LRCH3: variants seen among roughly 807,000 people sequenced by gnomAD.
LRCH3 encodes DISP complex protein LRCH3.
In LRCH3, 68 loss-of-function variants were observed where a neutral mutation model predicts 104.5. The ratio of observed to expected loss-of-function variants is 0.65; its 90% CI spans 0.54 to 0.80. The LOEUF (loss-of-function observed/expected upper bound fraction) is 0.80, where lower values mean the gene tolerates loss of function less well. Among genes scored for constraint, LRCH3 ranks in the 30% least tolerant of loss-of-function variants. LRCH3 has a pLI of 0.00. For synonymous variants in LRCH3, 344 were observed against 361.3 expected (o/e 0.95, Z 0.54); for missense variants, 951 against 953.9 (o/e 1.00, Z 0.04).
chr3:197,866,382 C>T (rs1474309875), intron 17 of LRCH3, among the ~76,000 whole-genome samples, 163 bp downstream of exon 17: 1 of 152,188 alleles, frequency 6.6e-6, no homozygotes, highest in African/African-American at 2.4e-5. Context: ...GCAGGAAAAT[C>T]TTATCTGAAT....
chr3:197,832,316 A>C lies in LRCH3; in HGVS notation c.1101A>C (p.Gly367=). ...GCAGTTTGGTAGTAACAAACGGCGG[A>C]GGTAAACATAATTCCGGTGACAGCT... The part of the protein sequence containing the change: ...NRGSLVVTNG[G]VEHDLDQIDY... The change falls in exon 8 of 21, where the codon GGA becomes GGC. Residue 367 remains glycine (G), a splice_region_variant and synonymous_variant. Coordinates refer to ENST00000425562, the MANE Select transcript of LRCH3 (RefSeq NM_001365715.1). The C allele has an allele frequency of 6.2e-7, 1 of 1,613,194 alleles. No individual in the cohort carries two copies. Among genetic ancestry groups the C allele is most frequent in the Admixed American group, 1.7e-5 (1 of 59,964 alleles).
intron 1 of LRCH3, among the ~76,000 whole-genome samples, chr3:197,811,715 A>G (rs538740321): frequency 5.6e-4 from 86 of 152,356 alleles, no homozygotes; most frequent in African/African-American, 2.0e-3. Context: ...ATAATTACAT[A>G]GCCAAATAGA....
chr3:197,855,409 G>A (rs1019724511), intron 14 of LRCH3, among the ~76,000 whole-genome samples: 2 of 152,166 alleles, frequency 1.3e-5, no homozygotes, highest in Non-Finnish European at 2.9e-5. Flanking sequence ...AGCCTCCGAC[G>A]ATCCAAACAC....
chr3:197,841,172 G>A (rs1040059244), intron 10 of LRCH3, among the ~76,000 whole-genome samples: 10 of 152,280 alleles, frequency 6.6e-5, no homozygotes, highest in African/African-American at 2.2e-4. Context: ...TCAGGGTATC[G>A]GCTGGCCTGG....
chr3:197,838,209 C>G (rs558101840), intron 9 of LRCH3, among the ~76,000 whole-genome samples: 5 of 152,218 alleles, frequency 3.3e-5, no homozygotes, highest in Admixed American at 2.0e-4. Flanking sequence ...TGCTTGAGCC[C>G]GGCAGTTTGA....
chr3:197,863,092 A>G (rs1377076562), intron 15 of LRCH3, among the ~76,000 whole-genome samples: 1 of 152,136 alleles, frequency 6.6e-6, no homozygotes, highest in African/African-American at 2.4e-5. Flanking sequence ...ATTGAAACCA[A>G]TGGTAGGGAA....
At chr3:197,797,463 CAG>C (rs1434654123) in intron 1 of LRCH3, among the ~76,000 whole-genome samples, 4 of 151,670 alleles carry the variant, frequency 2.6e-5, no homozygotes, top group Admixed American at 2.6e-4. Context: ...ACTGTCAACT[CAG>C]GGAGATACCA....
chr3:197,852,677 A>T (rs769195161), intron 13 of LRCH3, 57 bp downstream of exon 13: 1 of 1,525,778 alleles, frequency 6.6e-7, no homozygotes, highest in East Asian at 2.3e-5. Context: ...ATGGAAATGA[A>T]ATGTTTACAT....
intron 20 of LRCH3, chr3:197,880,758 G>T (rs1560065848): frequency 1.3e-6 from 2 of 1,534,482 alleles, no homozygotes; most frequent in Admixed American, 3.9e-5. Flanking sequence ...CCTGTGCTTG[G>T]TAAAGGAGGT....
chr3:197,823,190 A>C (rs1333444115), intron 4 of LRCH3: 3 of 146,550 alleles, frequency 2.0e-5, no homozygotes, highest in South Asian at 4.3e-4. Flanking sequence ...GGCTGGTCTC[A>C]AACTCCTGAC....
intron 1 of LRCH3, among the ~76,000 whole-genome samples, chr3:197,813,867 AAC>A (rs546524284): frequency 6.6e-6 from 1 of 152,152 alleles, no homozygotes; most frequent in Non-Finnish European, 1.5e-5. Context: ...TTGTAAAGAT[AAC>A]AGTCATTGAT....
chr3:197,883,777 C>A lies in LRCH3; in HGVS notation c.*111C>A. 5 of 1,152,336 alleles carry A rather than the reference C, an allele frequency of 4.3e-6. No individual in the cohort carries two copies. Among genetic ancestry groups the A allele is most frequent in the Non-Finnish European group, 5.7e-6 (5 of 869,644 alleles). 71.4% of individuals were successfully genotyped at this position (1,152,336 alleles called of 1,614,324 possible). ...AGCTCTTGTGTGTTCTCAGAAGGGACCGTTCCCATGATTCCTAACAGGAAT... is the reference window on the plus strand; with the variant it reads ...AGCTCTTGTGTGTTCTCAGAAGGGAACGTTCCCATGATTCCTAACAGGAAT... On this transcript the variant is annotated 3_prime_UTR_variant, in exon 21 of 21. Transcript: ENST00000425562. This position sits in a 1 kb window ranked among gnomAD's most constrained non-coding sequence, Gnocchi z 4.2.
At chr3:197,838,372 C>T (rs943468259) in intron 9 of LRCH3, among the ~76,000 whole-genome samples, 8 of 152,212 alleles carry the variant, frequency 5.3e-5, no homozygotes, top group African/African-American at 1.9e-4. Flanking sequence ...TTAAGACAGT[C>T]AGTTGTTAGC....
At chr3:197,871,668 G>C in intron 19 of LRCH3, 2 of 565,246 alleles carry the variant, frequency 3.5e-6, no homozygotes, top group Non-Finnish European at 5.9e-6. Flanking sequence ...AGAAAGGCAT[G>C]TACAGTGTGT....
chr3:197,852,996 A>G (rs1739819494), intron 13 of LRCH3, among the ~76,000 whole-genome samples: 2 of 152,204 alleles, frequency 1.3e-5, no homozygotes, highest in South Asian at 4.1e-4. Context: ...ATTCAGTGCT[A>G]TCAATGATAA....
chr3:197,803,940 A>G (rs1198852535), intron 1 of LRCH3, among the ~76,000 whole-genome samples: 1 of 152,158 alleles, frequency 6.6e-6, no homozygotes. Flanking sequence ...ACCAAATTGA[A>G]TACTTTCAAC....
intron 1 of LRCH3, among the ~76,000 whole-genome samples, chr3:197,812,504 G>GTGTTTTTTTTTT (rs1733250059): frequency 4.1e-5 from 2 of 48,956 alleles, no homozygotes; most frequent in Non-Finnish European, 7.0e-5. Context: ...TCTGCTTTCA[G>GTGTTTTTTTTTT]TTTTTTTTTT....
At chr3:197,825,160 A>G (rs1735007759) in intron 4 of LRCH3, among the ~76,000 whole-genome samples, 2 of 152,108 alleles carry the variant, frequency 1.3e-5, no homozygotes, top group African/African-American at 2.4e-5. Flanking sequence ...ATCTGATGCC[A>G]TTCATTCTTA....
rs1396126231 is a variant in LRCH3 at position 197,870,226 on chromosome 3, A to T, written c.1940A>T (p.Gln647Leu). Residue 647 changes from glutamine to leucine, a missense_variant, in exon 18 of 21, where the codon CAG (glutamine) becomes CTG (leucine). Transcript: ENST00000425562. ...TTDSTDSITG[Q>L]NSRQREEELE... The stretch of plus-strand genomic sequence containing the variant: ...GATTCTACAGATTCCATAACAGGAC[A>T]GAATTCAAGACAGAGAGAAGAAGAG... The T allele has an allele frequency of 6.2e-7, 1 of 1,613,176 alleles. No individual in the cohort carries two copies. Among genetic ancestry groups the T allele is most frequent in the African/African-American group, 1.3e-5 (1 of 74,930 alleles).
Sources: allele counts gnomAD v4.1 joint callset (sites outside exome capture counted in the v4.1 genomes callset), GRCh38; gene constraint gnomAD v4.1.1; non-coding constraint Gnocchi (gnomAD v3.1); transcripts MANE v1.5; gene names NCBI Gene and HGNC (gene_info 2026-07-23, HGNC 2026-07-21).